CD3E: variants seen among roughly 807,000 people sequenced by gnomAD.
The protein encoded by CD3E is T-cell surface glycoprotein CD3 epsilon chain.
In CD3E, 16 loss-of-function variants were observed where a neutral mutation model predicts 34.7. That is an observed-to-expected ratio of 0.46 (90% confidence interval 0.31 to 0.70). The LOEUF is 0.70. CD3E is among the 30% of genes least tolerant of loss of function. CD3E has a pLI of 0.05. For missense variants in CD3E, 223 were observed against 253.9 expected (o/e 0.88, Z 0.83); for synonymous variants, 70 against 90.8 (o/e 0.77, Z 1.30).
intron 4 of CD3E, among the ~76,000 whole-genome samples, chr11:118,310,917 A>G (rs1948132084): frequency 6.6e-6 from 1 of 152,242 alleles, no homozygotes; most frequent in African/African-American, 2.4e-5. Flanking sequence ...AGTCTTTGTC[A>G]GAGGGCTGCC....
At chr11:118,304,857 T>C (rs1948097154) in intron 1 of CD3E, 37 bp from the exon 2 acceptor site, 1 of 1,018,190 alleles carries the variant, frequency 9.8e-7, no homozygotes, top group East Asian at 2.4e-5. Context: ...CTCTAGCAGA[T>C]GTTTTGAAAA....
intron 5 of CD3E, 114 bp downstream of exon 5, chr11:118,312,284 G>A: frequency 1.0e-6 from 1 of 991,142 alleles, no homozygotes; most frequent in Non-Finnish European, 1.6e-6. Context: ...TCCCAGCATT[G>A]CATTCTCAAC....
At chr11:118,309,439 G>C (rs914898182) in intron 4 of CD3E, among the ~76,000 whole-genome samples, 1 of 152,166 alleles carries the variant, frequency 6.6e-6, no homozygotes, top group African/African-American at 2.4e-5. Flanking sequence ...AGCCAGGCAT[G>C]GTGGCAGGTG....
At chr11:118,312,547 C>T in intron 5 of CD3E, 71 bp from the exon 6 acceptor site, 3 of 1,583,604 alleles carry the variant, frequency 1.9e-6, no homozygotes, top group Non-Finnish European at 2.6e-6. Flanking sequence ...TTGGGTGGTT[C>T]TTTTGTCACT....
chr11:118,314,470 A>G lies in CD3E; in HGVS notation c.543A>G (p.Pro181=), dbSNP rs1948154298. The part of the protein sequence containing the change: ...RQRGQNKERP[P]PVPNPDYEPI... ...CAGGACAAAACAAGGAGAGGCCACC[A>G]CCTGTTCCCAACCCAGACTATGAGG... Residue 181 remains proline, a synonymous_variant, in exon 8 of 9, where the codon CCA becomes CCG. Coordinates refer to ENST00000361763, the MANE Select transcript of CD3E (RefSeq NM_000733.4). 6.2e-7 allele frequency: 1 copy of G among 1,613,996 alleles called. No homozygotes were observed. The highest frequency in any genetic ancestry group is 8.5e-7 in the Non-Finnish European group (1 of 1,179,934).
rs3782043 is a variant in CD3E at position 118,315,208 on chromosome 11, G to A, written c.568-278G>A. Among the ~76,000 whole-genome samples the A allele has an allele frequency of 9.9e-5, 15 of 152,238 alleles. No homozygotes were observed. In the East Asian group the frequency reaches 2.7e-3, roughly 27 times the overall value. ...CAAATACTCAACACCAGCCAAACAC[G>A]TAGTATTTACTTTAGCTTAAGCGAA... is the stretch of plus-strand genomic sequence containing the variant. On this transcript the variant is annotated intron_variant, in intron 8 of 8. Transcript: ENST00000361763.
At chr11:118,307,262 C>T (rs768949646) in intron 2 of CD3E, 26 bp from the exon 3 acceptor site, 23 of 1,558,580 alleles carry the variant, frequency 1.5e-5, no homozygotes, top group Non-Finnish European at 2.0e-5. Flanking sequence ...TTTACTAACA[C>T]TTTTTTTTTC....
chr11:118,306,175 C>T (rs1456474465), intron 2 of CD3E, among the ~76,000 whole-genome samples: 1 of 139,326 alleles, frequency 7.2e-6, no homozygotes, highest in Non-Finnish European at 1.6e-5. Context: ...ATAAAGTATG[C>T]TTTTCCTTAA....
At position 118,314,371 on chromosome 11, in the gene CD3E, GGGTCTCACT is replaced by G; in HGVS notation, c.521-74_521-66del. 2.5e-6 allele frequency: 3 copies of G among 1,208,928 alleles called. No individual in the cohort carries two copies. In the South Asian group the frequency reaches 3.7e-5, roughly 15 times the overall value. 74.9% of individuals were successfully genotyped at this position (1,208,928 alleles called of 1,614,324 possible). ...CAATGGGGTTTGCCATTCTCTATCT[GGGTCTCACT>G]GGCACAGACAGTGCTGCAAGATTGG... On this transcript the variant is annotated intron_variant, in intron 7 of 8. Transcript: ENST00000361763.
chr11:118,312,385 C>T, intron 5 of CD3E: 1 of 705,750 alleles, frequency 1.4e-6, no homozygotes. Context: ...CCTGCGTAAA[C>T]CCTAAAGCCA....
Position 118,315,782 on chromosome 11 carries a change from C to A in CD3E, c.*240C>A. The A allele has an allele frequency of 1.7e-6, 1 of 605,286 alleles. No homozygotes were observed. Among genetic ancestry groups the A allele is most frequent in the Non-Finnish European group, 3.0e-6 (1 of 338,010 alleles). The allele number at this position is 605,286 out of a possible 1,614,324, so 37.5% of individuals were successfully genotyped here. ...AGCATCATCAGTAGTCACACCCTCA[C>A]AGCTGGCCTGCCCTCTTGCCAGGAT... On this transcript the variant is annotated 3_prime_UTR_variant, in exon 9 of 9. Coordinates refer to ENST00000361763, the MANE Select transcript of CD3E (RefSeq NM_000733.4).
chr11:118,313,406 T>G, intron 6 of CD3E: 1 of 441,284 alleles, frequency 2.3e-6, no homozygotes, highest in South Asian at 2.1e-5. Context: ...TTTATTCCCA[T>G]GAGTAAAGGG....
At chr11:118,307,372 T>C in intron 3 of CD3E, 64 bp downstream of exon 3, 3 of 1,438,470 alleles carry the variant, frequency 2.1e-6, no homozygotes, top group South Asian at 2.3e-5. Flanking sequence ...TAGTTATGAA[T>C]GGAGCTTTCT....
intron 6 of CD3E, 39 bp from the exon 7 acceptor site, chr11:118,313,668 G>T: frequency 6.2e-7 from 1 of 1,604,720 alleles, no homozygotes; most frequent in Non-Finnish European, 8.5e-7. Context: ...TGTTTTCCTT[G>T]CTTAGTGATT....
At chr11:118,305,931 T>C (rs1260580575) in intron 2 of CD3E, among the ~76,000 whole-genome samples, 1 of 152,184 alleles carries the variant, frequency 6.6e-6, no homozygotes, top group African/African-American at 2.4e-5. Context: ...TGTCTCCACT[T>C]CCTGCTTCAT....
At chr11:118,308,100 C>T (rs1025345034) in intron 3 of CD3E, among the ~76,000 whole-genome samples, 3 of 150,194 alleles carry the variant, frequency 2.0e-5, no homozygotes, top group Non-Finnish European at 4.5e-5. Context: ...ACCTGGGAGG[C>T]AGAGGTTGTA....
intron 1 of CD3E, 23 bp downstream of exon 1, chr11:118,304,799 C>T: frequency 1.3e-6 from 1 of 769,134 alleles, no homozygotes; most frequent in South Asian, 1.4e-5. Context: ...CTTATAAAGC[C>T]CTCCTTTTTC....
intron 2 of CD3E, among the ~76,000 whole-genome samples, chr11:118,305,364 T>G (rs563414866): frequency 1.3e-5 from 2 of 152,330 alleles, no homozygotes; most frequent in Admixed American, 6.5e-5. Flanking sequence ...ACCAGATACT[T>G]GCGTCCAAAC....
rs199578380 is a variant in CD3E at position 118,313,862 on chromosome 11, G to C, written c.508G>C (p.Gly170Arg). ...TGTGACACGAGGAGCGGGTGCTGGC[G>C]GCAGGCAAAGGGGTAAGGCTGTGGA... The part of the protein sequence containing the change: ...KPVTRGAGAG[G>R]RQRGQNKERP... Residue 170 changes from glycine to arginine, a missense_variant, in exon 7 of 9, where the codon GGC (glycine) becomes CGC (arginine). Gly to Arg is a moderately radical substitution (Grantham distance 125). Coordinates refer to ENST00000361763, the MANE Select transcript of CD3E (RefSeq NM_000733.4). 6.2e-7 allele frequency: 1 copy of C among 1,613,218 alleles called. No individual in the cohort carries two copies. Among genetic ancestry groups the C allele is most frequent in the South Asian group, 1.1e-5 (1 of 91,046 alleles).
Sources: gnomAD v4.1 joint callset for allele counts (sites outside exome capture counted in the v4.1 genomes callset) on GRCh38, gnomAD v4.1.1 for gene constraint, MANE v1.5 for transcripts, NCBI Gene and HGNC (gene_info 2026-07-23, HGNC 2026-07-21) for gene names.